Variants in GLYATL2 observed in about 807,000 individuals in gnomAD.
GLYATL2 encodes glycine N-acyltransferase-like protein 2.
GLYATL2 carries 25 observed loss-of-function variants against 21.4 expected under a neutral mutation model. The ratio of observed to expected loss-of-function variants is 1.17; its 90% CI spans 0.85 to 1.63. The LOEUF (loss-of-function observed/expected upper bound fraction) is 1.63. Among genes scored for constraint, GLYATL2 ranks in the 40% most tolerant of loss-of-function variants. GLYATL2 has a pLI of 0.00. For synonymous variants in GLYATL2, 114 were observed against 118.2 expected (o/e 0.96, Z 0.23); for missense variants, 361 against 343.3 (o/e 1.05, Z -0.41).
chr11:58,878,152 C>T (rs1409585400), intron 1 of GLYATL2: 2 of 222,636 alleles, frequency 9.0e-6, no homozygotes, highest in Non-Finnish European at 8.9e-6. Flanking sequence ...ACCCCTGGAG[C>T]CTCTGTGAAT....
chr11:58,859,920 T>G (rs1042065094), intron 1 of GLYATL2, among the ~76,000 whole-genome samples: 10 of 152,224 alleles, frequency 6.6e-5, no homozygotes, highest in Admixed American at 5.9e-4. Context: ...CAAAAATCAA[T>G]CACCTTAAAT....
intron 1 of GLYATL2, among the ~76,000 whole-genome samples, chr11:58,876,851 T>C (rs1478092108): frequency 6.6e-6 from 1 of 152,258 alleles, no homozygotes; most frequent in African/African-American, 2.4e-5. Context: ...CAGAGGTTAT[T>C]GCTGTCTTTT....
chr11:58,899,175 C>G (rs1854688460), intron 1 of GLYATL2, among the ~76,000 whole-genome samples: 1 of 152,058 alleles, frequency 6.6e-6, no homozygotes, highest in South Asian at 2.1e-4. Flanking sequence ...GATTAACAAC[C>G]AACATCACAG....
At chr11:58,893,369 C>T (rs1854579688) in intron 1 of GLYATL2, 3 of 217,484 alleles carry the variant, frequency 1.4e-5, no homozygotes. Context: ...AATAAAGGCA[C>T]CCACACATTT....
intron 1 of GLYATL2, among the ~76,000 whole-genome samples, chr11:58,898,790 G>A (rs780443167): frequency 3.3e-5 from 5 of 151,926 alleles, no homozygotes; most frequent in African/African-American, 7.3e-5. Context: ...CCGAGATCGC[G>A]CCACTGCACT....
At chr11:58,838,105 C>T (rs1294577068) in intron 3 of GLYATL2, among the ~76,000 whole-genome samples, 156 bp downstream of exon 3, 2 of 152,174 alleles carry the variant, frequency 1.3e-5, no homozygotes, top group East Asian at 3.9e-4. Flanking sequence ...CCTTATCTCA[C>T]TGCCCTACCC....
At chr11:58,845,836 C>A (rs1238668205), upstream of GLYATL2, among the ~76,000 whole-genome samples, 2 of 152,012 alleles carry the variant, frequency 1.3e-5, no homozygotes, top group Non-Finnish European at 2.9e-5. Context: ...GATTCTCTAC[C>A]CTTAGGCAGT....
Position 58,838,667 on chromosome 11 carries a change from A to G in GLYATL2, c.79-299T>C, listed in dbSNP as rs79926959. Among the ~76,000 whole-genome samples, 350 of 152,276 alleles carry G rather than the reference A, an allele frequency of 2.3e-3. 1 individual carries two copies. The highest frequency in any genetic ancestry group is 8.2e-3 in the African/African-American group (340 of 41,544). On this transcript the variant is annotated intron_variant, in intron 2 of 5. Transcript: ENST00000287275. The stretch of plus-strand genomic sequence containing the variant: ...TTTTCTCAGTTTTTTTCTTTATTTC[A>G]TAACACACTATTTATTTGGCATCTA...
At chr11:58,903,249 A>G (rs1477459335) in intron 1 of GLYATL2, among the ~76,000 whole-genome samples, 1 of 152,194 alleles carries the variant, frequency 6.6e-6, no homozygotes, top group Non-Finnish European at 1.5e-5. Flanking sequence ...GAGTGGTTCA[A>G]GGGGAGGTAA....
At chr11:58,869,388 T>A (rs1017401847) in intron 1 of GLYATL2, among the ~76,000 whole-genome samples, 10 of 152,160 alleles carry the variant, frequency 6.6e-5, no homozygotes, top group African/African-American at 2.4e-4. Flanking sequence ...TTGACAACAG[T>A]GTTCTTTGGA....
intron 1 of GLYATL2, among the ~76,000 whole-genome samples, chr11:58,886,409 G>T (rs894135106): frequency 2.6e-5 from 4 of 152,104 alleles, no homozygotes; most frequent in African/African-American, 9.7e-5. Context: ...ATAGCTGCTG[G>T]ATACCAGATA....
At chr11:58,905,570 G>A (rs1854846714), upstream of GLYATL2, 2 of 455,924 alleles carry the variant, frequency 4.4e-6, no homozygotes, top group Non-Finnish European at 8.8e-6. Flanking sequence ...TACCCACCCG[G>A]CTGCCGCGCA....
intron 1 of GLYATL2, among the ~76,000 whole-genome samples, chr11:58,858,609 A>G (rs1853875621): frequency 6.6e-6 from 1 of 152,206 alleles, no homozygotes; most frequent in Non-Finnish European, 1.5e-5. Flanking sequence ...ATCTGAAGCA[A>G]TGTGGCTGAA....
chr11:58,838,926 G>C (rs185564942), intron 2 of GLYATL2, among the ~76,000 whole-genome samples: 5 of 152,236 alleles, frequency 3.3e-5, no homozygotes, highest in Admixed American at 3.3e-4. Flanking sequence ...ACTGGGTCTT[G>C]ATGAATATGT....
At chr11:58,851,923 A>G (rs775148917) in intron 1 of GLYATL2, among the ~76,000 whole-genome samples, 5 of 152,228 alleles carry the variant, frequency 3.3e-5, no homozygotes, top group Non-Finnish European at 7.3e-5. Context: ...GAAGAGATCC[A>G]TAGATTTGAG....
intron 1 of GLYATL2, among the ~76,000 whole-genome samples, chr11:58,851,416 C>G (rs1384431334): frequency 2.0e-5 from 3 of 152,144 alleles, no homozygotes; most frequent in African/African-American, 7.2e-5. Flanking sequence ...TTTGAACTAT[C>G]CTTGCATCCT....
chr11:58,883,683 TA>T (rs550545632), intron 1 of GLYATL2, among the ~76,000 whole-genome samples: 181 of 152,022 alleles, frequency 1.2e-3, no homozygotes, highest in African/African-American at 4.1e-3. Context: ...TTCCAATCAA[TA>T]AAAAAAGAGG....
intron 1 of GLYATL2, among the ~76,000 whole-genome samples, chr11:58,889,926 G>T (rs1433845711): frequency 3.3e-5 from 5 of 152,060 alleles, no homozygotes; most frequent in African/African-American, 1.2e-4. Flanking sequence ...AAAATAATCT[G>T]ATTTTGGCTA....
At chr11:58,895,602 G>C (rs1854621331) in intron 1 of GLYATL2, among the ~76,000 whole-genome samples, 4 of 152,174 alleles carry the variant, frequency 2.6e-5, no homozygotes, top group Admixed American at 1.3e-4. Context: ...TCACCTATCA[G>C]GGGCCAGCAC....
Sources: allele counts gnomAD v4.1 joint callset (sites outside exome capture counted in the v4.1 genomes callset), GRCh38; gene constraint gnomAD v4.1.1; transcripts MANE v1.5; gene names NCBI Gene and HGNC (gene_info 2026-07-23, HGNC 2026-07-21).